PAWR: variants seen among roughly 807,000 people sequenced by gnomAD.
The protein encoded by PAWR is pro-apoptotic WT1 regulator.
In PAWR, 23 loss-of-function variants were observed where a neutral mutation model predicts 32.0. The observed-to-expected ratio is 0.72, with a 90% CI of 0.52 to 1.02. The LOEUF is 1.02. PAWR is among the 50% of genes least tolerant of loss of function. The probability of loss-of-function intolerance (pLI) is 0.00; values close to 1 mark genes in which losing one functional copy is unlikely to be tolerated. For synonymous variants in PAWR, 226 were observed against 187.1 expected, an observed-to-expected ratio of 1.21 and a Z score of -1.70; for missense variants, 457 against 437.7, an observed-to-expected ratio of 1.04 and a Z score of -0.39.
At chr12:79,651,378 C>T (rs570554266) in intron 2 of PAWR, among the ~76,000 whole-genome samples, 68 of 152,170 alleles carry the variant, frequency 4.5e-4, no homozygotes, top group Admixed American at 1.1e-3. Flanking sequence ...CCAAAAGAAT[C>T]GGTTAAAAAA....
At chr12:79,606,512 G>C (rs1475741427) in intron 4 of PAWR, among the ~76,000 whole-genome samples, 1 of 152,086 alleles carries the variant, frequency 6.6e-6, no homozygotes, top group African/African-American at 2.4e-5. Context: ...TTCAGAACAA[G>C]TTATTTTCTG....
At chr12:79,605,919 C>T (rs554259314) in intron 4 of PAWR, among the ~76,000 whole-genome samples, 269 of 152,074 alleles carry the variant, frequency 1.8e-3, no homozygotes, top group African/African-American at 5.8e-3. Flanking sequence ...ACTAAAAATA[C>T]AAAAATTGGC....
intron 2 of PAWR, among the ~76,000 whole-genome samples, chr12:79,663,704 G>C (rs567876993): frequency 4.6e-5 from 7 of 151,706 alleles, no homozygotes; most frequent in Non-Finnish European, 1.0e-4. Context: ...AGATTGCAGT[G>C]AGCCATGATC....
chr12:79,665,519 TAAAATA>T lies in PAWR; in HGVS notation c.516+24204_516+24209del, dbSNP rs149707707. ...TATCATAAAAATTCCGTAAGTCAAT[TAAAATA>T]AAAATTGTTACATAGAGGAAAACTG... On this transcript the variant is annotated intron_variant, in intron 2 of 6. Coordinates refer to ENST00000328827, the MANE Select transcript of PAWR (RefSeq NM_002583.4). Among the ~76,000 whole-genome samples, 1,415 of 152,300 alleles carry T rather than the reference TAAAATA, an allele frequency of 9.3e-3. 30 individuals are homozygous for T. Among genetic ancestry groups the T allele is most frequent in the African/African-American group, 0.033 (1,363 of 41,556 alleles).
At position 79,632,335 on chromosome 12, in the gene PAWR, ATATATATATATATATATATATATATATT is replaced by A. The variant is rs1566010984; in HGVS notation, c.517-11156_517-11129del. On this transcript the variant is annotated intron_variant, in intron 2 of 6. Transcript: ENST00000328827. ...TACATATATATATATATATATATAT[ATATATATATATATATATATATATATATT>A]TTTTTTTTTTTTTAGACAGGGTCTT... 8.5e-4 allele frequency among the ~76,000 whole-genome samples: 42 copies of A among 49,374 alleles called. 4 individuals are homozygous for A. The African/African-American group carries it at 0.014, about 17-fold the overall frequency. The allele number at this position is 49,374 out of a possible 152,430, so 32.4% of individuals were successfully genotyped here.
In PAWR at chr12:79,604,672, T is replaced by C. The variant is rs140053490; in HGVS notation, c.684-8014A>G. 44 of 1,288,544 alleles carry C rather than the reference T, an allele frequency of 3.4e-5. No individual in the cohort carries two copies. In the African/African-American group the frequency reaches 6.4e-4, roughly 19 times the overall value. 79.8% of individuals were successfully genotyped at this position (1,288,544 alleles called of 1,614,324 possible). On this transcript the variant is annotated intron_variant, in intron 4 of 6. Transcript: ENST00000328827. ...CCCCATTCTCTTCACCCTCCAACAC[T>C]CCCACTCCTCGTAACAGCTCCTTGC...
At chr12:79,592,794 T>G in intron 6 of PAWR, 101 bp from the exon 7 acceptor site, 1 of 562,218 alleles carries the variant, frequency 1.8e-6, no homozygotes, top group Non-Finnish European at 3.1e-6. Flanking sequence ...ACCAATTAAT[T>G]TTGAAATGAG....
At chr12:79,614,862 G>T (rs1397228162) in intron 3 of PAWR, among the ~76,000 whole-genome samples, 2 of 152,148 alleles carry the variant, frequency 1.3e-5, no homozygotes, top group African/African-American at 4.8e-5. Context: ...AGGAGGGATC[G>T]GATCAAGTTT....
At chr12:79,617,727 T>G (rs1874808133) in intron 3 of PAWR, among the ~76,000 whole-genome samples, 1 of 152,204 alleles carries the variant, frequency 6.6e-6, no homozygotes, top group Admixed American at 6.5e-5. Flanking sequence ...CATATATGTC[T>G]GATATATTTT....
At chr12:79,629,706 CTG>C (rs1250060705) in intron 2 of PAWR, among the ~76,000 whole-genome samples, 3 of 151,998 alleles carry the variant, frequency 2.0e-5, no homozygotes, top group Non-Finnish European at 4.4e-5. Flanking sequence ...CGAAAACTCA[CTG>C]TATGTTCAAT....
At chr12:79,664,882 C>T (rs1877530835) in intron 2 of PAWR, among the ~76,000 whole-genome samples, 1 of 152,080 alleles carries the variant, frequency 6.6e-6, no homozygotes, top group African/African-American at 2.4e-5. Flanking sequence ...TCTACTATTG[C>T]TGTAAACCAA....
At position 79,690,235 on chromosome 12, in the gene PAWR, C is replaced by T. The variant is rs1878942230; in HGVS notation, c.10G>A (p.Gly4Ser). 3.3e-6 allele frequency: 5 copies of T among 1,513,932 alleles called. No individual in the cohort carries two copies. Among genetic ancestry groups the T allele is most frequent in the Non-Finnish European group, 3.5e-6 (4 of 1,135,920 alleles). 93.8% of individuals were successfully genotyped at this position (1,513,932 alleles called of 1,614,324 possible). A position where few individuals can be genotyped will look rare whatever the true frequency, so the allele number is the denominator to read the frequency against. The change falls in exon 2 of 7, where the codon GGT (glycine) becomes AGT (serine). Residue 4 changes from glycine (G) to serine (S), a missense_variant. Gly to Ser is a moderately conservative substitution (Grantham distance 56). Coordinates refer to ENST00000328827, the MANE Select transcript of PAWR (RefSeq NM_002583.4). ...AGGCCGCTGCTGGTCCGGTAGCCAC[C>T]GGTCGCCATATTCCCAAAGGGGCCG... MAT[G>S]GYRTSSGLGG... is the part of the protein sequence containing the mutation.
At chr12:79,598,709 T>C (rs774647926) in intron 4 of PAWR, among the ~76,000 whole-genome samples, 3 of 152,220 alleles carry the variant, frequency 2.0e-5, no homozygotes, top group Non-Finnish European at 4.4e-5. Flanking sequence ...TGTTACTATA[T>C]CGTAGAACCC....
Position 79,589,538 on chromosome 12 carries a change from G to A in PAWR, c.*3069C>T, listed in dbSNP as rs1264073617. The A allele has an allele frequency of 2.7e-5, 4 of 150,862 alleles. No homozygotes were observed. The South Asian group carries it at 8.3e-4, about 31-fold the overall frequency. The allele number at this position is 150,862 out of a possible 1,614,324, so 9.3% of individuals were successfully genotyped here. On this transcript the variant is annotated 3_prime_UTR_variant, in exon 7 of 7. Transcript: ENST00000328827. Reference sequence around the variant, plus strand: ...TAATTTTCTATGTTTGAAACTACTTGAACAAGTGTGACAGTGCTAATCTAC... The same window carrying A: ...TAATTTTCTATGTTTGAAACTACTTAAACAAGTGTGACAGTGCTAATCTAC...
intron 4 of PAWR, among the ~76,000 whole-genome samples, chr12:79,597,555 GAA>G (rs1267092441): frequency 6.6e-6 from 1 of 152,130 alleles, no homozygotes; most frequent in African/African-American, 2.4e-5. Context: ...TAGAAAAAAA[GAA>G]AAGAGTTACA....
chr12:79,689,648 C>A, intron 2 of PAWR, 81 bp downstream of exon 2: 2 of 1,464,924 alleles, frequency 1.4e-6, no homozygotes, highest in South Asian at 2.6e-5. Context: ...ACTCTGCGCC[C>A]CGGGTAGCTC....
At position 79,689,712 on chromosome 12, in the gene PAWR, GC is replaced by G; in HGVS notation, c.516+16del. The G allele has an allele frequency of 2.6e-6, 4 of 1,537,042 alleles. No individual in the cohort carries two copies. The South Asian group carries it at 4.8e-5, about 18-fold the overall frequency. ...CCCGCCCCGGCCCGGTCCGGCTGCGGCCCCCGCCCGGCTCACCTCTGCGGCA... is the reference window on the plus strand; with the variant it reads ...CCCGCCCCGGCCCGGTCCGGCTGCGGCCCCGCCCGGCTCACCTCTGCGGCA... On this transcript the variant is annotated intron_variant, in intron 2 of 6. Coordinates refer to ENST00000328827, the MANE Select transcript of PAWR (RefSeq NM_002583.4).
In PAWR at chr12:79,629,296, C is replaced by T. The variant is rs138071884; in HGVS notation, c.517-8089G>A. On this transcript the variant is annotated intron_variant, in intron 2 of 6. Transcript: ENST00000328827. ...CACAAATAGGTTCCAAGTGAAAGGA[C>T]GAAAAAAGATGCATCATAAAACACA... 2.2e-4 allele frequency among the ~76,000 whole-genome samples: 33 copies of T among 151,696 alleles called. No homozygotes were observed. In the South Asian group the frequency reaches 2.9e-3, roughly 13 times the overall value.
intron 2 of PAWR, among the ~76,000 whole-genome samples, chr12:79,628,601 A>C (rs935930064): frequency 1.6e-4 from 25 of 152,142 alleles, no homozygotes; most frequent in Admixed American, 1.2e-3. Flanking sequence ...AGACTTCTAC[A>C]AATAACAAAA....
Sources: allele counts gnomAD v4.1 joint callset (sites outside exome capture counted in the v4.1 genomes callset), GRCh38; gene constraint gnomAD v4.1.1; transcripts MANE v1.5; gene names NCBI Gene and HGNC (gene_info 2026-07-23, HGNC 2026-07-21).